The following ATCAY variants were observed in gnomAD, a reference collection of about 807,000 sequenced individuals.
ATCAY encodes the protein caytaxin.
Under a neutral mutation model 47.7 loss-of-function variants are expected in ATCAY, and 22 were observed. The ratio of observed to expected loss-of-function variants is 0.46; its 90% confidence interval spans 0.33 to 0.66. The LOEUF (loss-of-function observed/expected upper bound fraction) is 0.66. ATCAY is among the 30% of genes least tolerant of loss of function. The pLI is 0.02. For synonymous variants in ATCAY, 216 were observed against 207.6 expected, an observed-to-expected ratio of 1.04 and a Z score of -0.35; for missense variants, 452 against 515.0, an observed-to-expected ratio of 0.88 and a Z score of 1.18.
chr19:3,917,706 G>A (rs1599147257), intron 9 of ATCAY, 36 bp from the exon 10 acceptor site: 1 of 1,612,912 alleles, frequency 6.2e-7, no homozygotes, highest in South Asian at 1.1e-5. Flanking sequence ...TCAGGGGAAA[G>A]GAAGGTTGTG....
intron 9 of ATCAY, among the ~76,000 whole-genome samples, chr19:3,915,783 G>A (rs560358551): frequency 2.0e-4 from 28 of 138,858 alleles, no homozygotes; most frequent in African/African-American, 6.7e-4. Flanking sequence ...TCGAACTCCC[G>A]ACCTCAGGTG....
chr19:3,905,332 C>A, intron 3 of ATCAY, 102 bp from the exon 4 acceptor site: 1 of 1,222,448 alleles, frequency 8.2e-7, no homozygotes, highest in Non-Finnish European at 1.1e-6. Flanking sequence ...ACCCTCTCTT[C>A]CCATTCCTGC....
intron 2 of ATCAY, chr19:3,895,047 C>T (rs896275593): frequency 2.3e-6 from 1 of 437,272 alleles, no homozygotes; most frequent in East Asian, 7.2e-5. Flanking sequence ...TTATTTCATT[C>T]ATTTTCTTTG....
Position 3,924,652 on chromosome 19 carries a change from C to T in ATCAY, c.*60C>T. 1 of 1,595,214 alleles carries T rather than the reference C, an allele frequency of 6.3e-7. No individual in the cohort carries two copies. The highest frequency in any genetic ancestry group is 8.6e-7 in the Non-Finnish European group (1 of 1,165,298). ...ATTCCAGATGCCAGAAAACCTCTGT[C>T]AGACGCCCACTGGCCCCAGATCTCA... On this transcript the variant is annotated 3_prime_UTR_variant, in exon 13 of 13. Coordinates refer to ENST00000450849, the MANE Select transcript of ATCAY (RefSeq NM_033064.5).
chr19:3,883,231 G>A (rs2038618502), intron 1 of ATCAY, among the ~76,000 whole-genome samples: 1 of 152,072 alleles, frequency 6.6e-6, no homozygotes, highest in Admixed American at 6.6e-5. Context: ...AAAATTAGCT[G>A]GACGTGGTGG....
chr19:3,912,646 G>A (rs1309880403), intron 8 of ATCAY, among the ~76,000 whole-genome samples: 1 of 152,018 alleles, frequency 6.6e-6, no homozygotes, highest in Non-Finnish European at 1.5e-5. Flanking sequence ...TTGGGAGACC[G>A]AGGCAGGAGG....
In ATCAY at chr19:3,907,635, G is replaced by A. The variant is rs375058160; in HGVS notation, c.359-99G>A. 37 of 1,435,420 alleles carry A rather than the reference G, an allele frequency of 2.6e-5. No individual in the cohort carries two copies. The highest frequency in any genetic ancestry group is 3.2e-5 in the Non-Finnish European group (34 of 1,047,002). 88.9% of individuals were successfully genotyped at this position (1,435,420 alleles called of 1,614,324 possible). On this transcript the variant is annotated intron_variant, in intron 4 of 12. Transcript: ENST00000450849. The surrounding 1 kb of genome is among the most constrained non-coding windows in gnomAD (Gnocchi z 5.1). Reference sequence around the variant, plus strand: ...GAGAAGCGAAGGACTTGTGGGTCCCGGCAGCGAGGGAGGTGGGAGAGGGGA... The same window carrying A: ...GAGAAGCGAAGGACTTGTGGGTCCCAGCAGCGAGGGAGGTGGGAGAGGGGA...
intron 1 of ATCAY, among the ~76,000 whole-genome samples, chr19:3,883,272 G>T (rs2038619153): frequency 6.6e-6 from 1 of 152,072 alleles, no homozygotes; most frequent in South Asian, 2.1e-4. Flanking sequence ...TACTCAAGAG[G>T]TGGAGGTTGC....
intron 2 of ATCAY, among the ~76,000 whole-genome samples, chr19:3,895,716 CTT>C (rs537910730): frequency 0.04 from 5,141 of 129,468 alleles, 153 homozygotes; most frequent in South Asian, 0.19. Flanking sequence ...CTTTTCTTTT[CTT>C]TTTTTTTTTT....
chr19:3,910,094 A>C (rs1462927362), intron 7 of ATCAY, among the ~76,000 whole-genome samples: 1 of 151,934 alleles, frequency 6.6e-6, no homozygotes, highest in Non-Finnish European at 1.5e-5. Flanking sequence ...GTCCCCATGA[A>C]ACACTCACTC....
chr19:3,888,655 A>T (rs2038686363), intron 2 of ATCAY, among the ~76,000 whole-genome samples: 1 of 152,176 alleles, frequency 6.6e-6, no homozygotes, highest in African/African-American at 2.4e-5. Context: ...CTCCAGTTCC[A>T]GGAAAATTTC....
intron 1 of ATCAY, among the ~76,000 whole-genome samples, chr19:3,881,592 G>A (rs950318292): frequency 2.0e-5 from 3 of 151,230 alleles, no homozygotes; most frequent in Non-Finnish European, 4.4e-5. Flanking sequence ...CCCCAAATGC[G>A]AAGCCAGGAT....
rs1178971689 is a variant in ATCAY, at chr19:3,927,422, C to T, written c.*2830C>T. Reference sequence around the variant, plus strand: ...TGGAAGACTGGGGCCGCTTCCAAGTCACAGACAGGAGACGGGGACAGGAAA... The same window carrying T: ...TGGAAGACTGGGGCCGCTTCCAAGTTACAGACAGGAGACGGGGACAGGAAA... On this transcript the variant is annotated 3_prime_UTR_variant, in exon 13 of 13. Coordinates refer to ENST00000450849, the MANE Select transcript of ATCAY (RefSeq NM_033064.5). The T allele has an allele frequency of 1.3e-5, 2 of 152,244 alleles. No individual in the cohort carries two copies. Among genetic ancestry groups the T allele is most frequent in the East Asian group, 3.8e-4 (2 of 5,196 alleles). The allele number at this position is 152,244 out of a possible 1,614,324, so 9.4% of individuals were successfully genotyped here.
At chr19:3,905,321 C>T in intron 3 of ATCAY, 113 bp from the exon 4 acceptor site, 2 of 1,085,960 alleles carry the variant, frequency 1.8e-6, no homozygotes, top group Non-Finnish European at 2.6e-6. Context: ...GAAGGGAGCC[C>T]ACCCTCTCTT....
At chr19:3,890,978 G>T (rs967532860) in intron 2 of ATCAY, among the ~76,000 whole-genome samples, 3 of 151,898 alleles carry the variant, frequency 2.0e-5, no homozygotes, top group African/African-American at 7.3e-5. Flanking sequence ...CTCCCCTGGG[G>T]ACTGCAGAAG....
At chr19:3,906,102 C>G (rs2038858056) in intron 4 of ATCAY, among the ~76,000 whole-genome samples, 1 of 150,044 alleles carries the variant, frequency 6.7e-6, no homozygotes, top group Non-Finnish European at 1.5e-5. Context: ...ACCCAGGAGG[C>G]CGAGCTTGCG....
Position 3,887,783 on chromosome 19 carries a change from A to G in ATCAY, c.77+1939A>G, listed in dbSNP as rs191048301. Among the ~76,000 whole-genome samples the G allele has an allele frequency of 3.2e-3, 459 of 144,590 alleles. 3 individuals are homozygous for G. Among genetic ancestry groups the G allele is most frequent in the African/African-American group, 9.8e-3 (386 of 39,254 alleles). 94.9% of individuals were successfully genotyped at this position (144,590 alleles called of 152,430 possible). On this transcript the variant is annotated intron_variant, in intron 2 of 12. Coordinates refer to ENST00000450849, the MANE Select transcript of ATCAY (RefSeq NM_033064.5). ...TTACAGGCGTGAGCCATCGCGCCCT[A>G]CCACCTGTCTCTATTTAAAAAGAGA... is the stretch of plus-strand genomic sequence containing the variant.
chr19:3,895,716 CTTTTT>C (rs537910730), intron 2 of ATCAY, among the ~76,000 whole-genome samples: 3 of 129,668 alleles, frequency 2.3e-5, no homozygotes, highest in Admixed American at 8.0e-5. Flanking sequence ...CTTTTCTTTT[CTTTTT>C]TTTTTTTTTT....
At position 3,913,631 on chromosome 19, in the gene ATCAY, G is replaced by A. The variant is rs187370719; in HGVS notation, c.867-127G>A. ...CATCGGGCGGGAGGGAGGTGTCGTC[G>A]TCTGCACTGGGGCATCCTGGAGTGG... On this transcript the variant is annotated intron_variant, in intron 8 of 12. Transcript: ENST00000450849. 1.8e-4 allele frequency: 120 copies of A among 675,560 alleles called. 1 individual carries two copies. Among genetic ancestry groups the A allele is most frequent in the Non-Finnish European group, 1.2e-4 (44 of 376,636 alleles). 41.8% of individuals were successfully genotyped at this position (675,560 alleles called of 1,614,324 possible). A position where few individuals can be genotyped will look rare whatever the true frequency, so the allele number is the denominator to read the frequency against.
Sources: gnomAD v4.1 joint callset for allele counts (sites outside exome capture counted in the v4.1 genomes callset) on GRCh38, gnomAD v4.1.1 for gene constraint, Gnocchi (gnomAD v3.1) non-coding constraint, MANE v1.5 for transcripts, NCBI Gene and HGNC (gene_info 2026-07-23, HGNC 2026-07-21) for gene names.